Variants in STK24 observed in about 807,000 individuals in gnomAD.
The protein encoded by STK24 is serine/threonine-protein kinase 24.
STK24 carries 21 observed loss-of-function variants against 55.6 expected under a neutral mutation model. That is an observed-to-expected ratio of 0.38 (90% CI 0.27 to 0.54). STK24 has a LOEUF of 0.54. STK24 is among the 20% of genes least tolerant of loss of function. STK24 has a pLI of 0.79. For synonymous variants in STK24, 200 were observed against 215.2 expected, an observed-to-expected ratio of 0.93 and a Z score of 0.62; for missense variants, 383 against 538.4, an observed-to-expected ratio of 0.71 and a Z score of 2.86.
Position 98,446,140 on chromosome 13 carries a change from AACG to A in STK24, c.*7030_*7032del, listed in dbSNP as rs1465481711. 1 of 1,613,976 alleles carries A rather than the reference AACG, an allele frequency of 6.2e-7. No individual in the cohort carries two copies. The highest frequency in any genetic ancestry group is 1.3e-5 in the African/African-American group (1 of 74,948). Reference sequence around the variant, plus strand: ...CCTGCTGAGGAAATTCAAAAACAGCAACGGGTGGCAGAAGCTGTGGGTGGTGTT... The same window carrying A: ...CCTGCTGAGGAAATTCAAAAACAGCAGGTGGCAGAAGCTGTGGGTGGTGTT... On this transcript the variant is annotated 3_prime_UTR_variant, in exon 11 of 11. Transcript: ENST00000539966.
intron 4 of STK24, 95 bp downstream of exon 4, chr13:98,475,155 C>T: frequency 7.1e-7 from 1 of 1,399,704 alleles, no homozygotes; most frequent in Non-Finnish European, 9.8e-7. Context: ...ACGTGCAGGA[C>T]AAATGGGCGC....
At position 98,457,249 on chromosome 13, in the gene STK24, C is replaced by T. The variant is rs200464604; in HGVS notation, c.1178G>A (p.Arg393Gln). The change falls in exon 10 of 11, where the codon CGA becomes CAA. Residue 393 changes from arginine to glutamine, a missense_variant. Physicochemically the swap from Arg to Gln is conservative, Grantham distance 43 (BLOSUM62 1). Transcript: ENST00000539966. ...GGNLGSIEEL[R>Q]GAIYLAEEAC... ...CTCCTCCGCTAGGTAGATGGCCCCT[C>T]GCAGCTCTTCAATGGACCCCAAGTT... 193 of 1,613,734 alleles carry T rather than the reference C, an allele frequency of 1.2e-4. No homozygotes were observed. The highest frequency in any genetic ancestry group is 1.5e-4 in the Non-Finnish European group (181 of 1,180,038).
chr13:98,534,104 A>G (rs2139406922), intron 1 of STK24, among the ~76,000 whole-genome samples: 1 of 152,344 alleles, frequency 6.6e-6, no homozygotes, highest in African/African-American at 2.4e-5. Context: ...TAGCAGAGGC[A>G]GCCGAGGAGG....
chr13:98,475,401 C>T (rs745829389), intron 3 of STK24, 43 bp from the exon 4 acceptor site: 1 of 1,402,260 alleles, frequency 7.1e-7, no homozygotes, highest in Non-Finnish European at 9.9e-7. Flanking sequence ...AAATGATTAT[C>T]TTATGAAAAG....
intron 2 of STK24, among the ~76,000 whole-genome samples, chr13:98,512,302 T>C: frequency 6.6e-6 from 1 of 152,304 alleles, no homozygotes; most frequent in East Asian, 1.9e-4. Flanking sequence ...AAAAGGATCT[T>C]ACATAGGTCG....
At chr13:98,573,920 A>G (rs1259277299) in intron 1 of STK24, among the ~76,000 whole-genome samples, 1 of 152,254 alleles carries the variant, frequency 6.6e-6, no homozygotes, top group Non-Finnish European at 1.5e-5. Context: ...AATGATTTGC[A>G]AAACATTGAA....
intron 1 of STK24, among the ~76,000 whole-genome samples, chr13:98,555,002 G>T (rs569266967): frequency 1.6e-5 from 2 of 122,476 alleles, no homozygotes; most frequent in Non-Finnish European, 3.2e-5. Context: ...GAGGCAGAGC[G>T]AGACTCCAAC....
intron 2 of STK24, among the ~76,000 whole-genome samples, chr13:98,504,390 A>G (rs1184192636): frequency 2.6e-5 from 4 of 152,226 alleles, no homozygotes; most frequent in Non-Finnish European, 5.9e-5. Context: ...CTGGTCCACC[A>G]TGCCTCTTCC....
intron 1 of STK24, among the ~76,000 whole-genome samples, chr13:98,572,501 C>G (rs1308284769): frequency 6.6e-6 from 1 of 152,166 alleles, no homozygotes; most frequent in Non-Finnish European, 1.5e-5. Flanking sequence ...CAATTAAATG[C>G]AGCTGTCCTG....
intron 1 of STK24, among the ~76,000 whole-genome samples, chr13:98,535,398 TACACACACACACAC>T (rs56768700): frequency 0.015 from 2,089 of 142,538 alleles, 21 homozygotes; most frequent in Non-Finnish European, 0.018. Flanking sequence ...TATGTGTGTA[TACACACACACACAC>T]ACACACACAC....
chr13:98,515,192 C>T (rs1896015386), intron 2 of STK24, among the ~76,000 whole-genome samples: 1 of 151,828 alleles, frequency 6.6e-6, no homozygotes, highest in Admixed American at 6.6e-5. Context: ...TCCCGTACTA[C>T]ACCATCCTGT....
chr13:98,568,216 C>T (rs1427893900), intron 1 of STK24, among the ~76,000 whole-genome samples: 2 of 152,048 alleles, frequency 1.3e-5, no homozygotes, highest in Non-Finnish European at 2.9e-5. Flanking sequence ...AGGCTGGTCT[C>T]GAAATCCTGA....
At chr13:98,535,906 C>T (rs1423976439) in intron 1 of STK24, among the ~76,000 whole-genome samples, 1 of 152,226 alleles carries the variant, frequency 6.6e-6, no homozygotes. Flanking sequence ...TACAGGTGAA[C>T]TCACCTTCCT....
chr13:98,475,395 G>T, intron 3 of STK24, 37 bp from the exon 4 acceptor site: 1 of 1,426,558 alleles, frequency 7.0e-7, no homozygotes, highest in Non-Finnish European at 9.7e-7. Context: ...TTACTTAAAT[G>T]ATTATCTTAT....
chr13:98,544,092 G>A (rs771004298), intron 1 of STK24, among the ~76,000 whole-genome samples: 3 of 152,182 alleles, frequency 2.0e-5, no homozygotes, highest in Non-Finnish European at 2.9e-5. Context: ...GGCCCACGCT[G>A]AAGTTAATAA....
chr13:98,482,784 A>AC (rs993050437), intron 2 of STK24, among the ~76,000 whole-genome samples: 3 of 150,468 alleles, frequency 2.0e-5, no homozygotes, highest in African/African-American at 7.4e-5. Flanking sequence ...TGCGCCCCCC[A>AC]CCCCCTACCG....
chr13:98,446,336 G>A lies in STK24; in HGVS notation c.*6837C>T. 1 of 647,130 alleles carries A rather than the reference G, an allele frequency of 1.5e-6. No homozygotes were observed. Among genetic ancestry groups the A allele is most frequent in the Non-Finnish European group, 2.7e-6 (1 of 366,742 alleles). The allele number at this position is 647,130 out of a possible 1,614,324, so 40.1% of individuals were successfully genotyped here. On this transcript the variant is annotated 3_prime_UTR_variant, in exon 11 of 11. Transcript: ENST00000539966. Reference sequence around the variant, plus strand: ...TGTCACGGGGATGACAGGGATGCTGGCGGGGGGCCCTGTCCACCCGAGGCC... The same window carrying A: ...TGTCACGGGGATGACAGGGATGCTGACGGGGGGCCCTGTCCACCCGAGGCC...
intron 1 of STK24, among the ~76,000 whole-genome samples, chr13:98,532,426 C>T (rs1223454044): frequency 2.0e-5 from 3 of 151,562 alleles, no homozygotes; most frequent in Non-Finnish European, 4.4e-5. Flanking sequence ...CCCACACCCA[C>T]CACACACCCA....
At chr13:98,498,403 C>T (rs1171796770) in intron 2 of STK24, among the ~76,000 whole-genome samples, 2 of 152,230 alleles carry the variant, frequency 1.3e-5, no homozygotes, top group African/African-American at 2.4e-5. Context: ...TCTCCTCCTA[C>T]AGTCACTGGG....
Sources: gnomAD v4.1 joint callset for allele counts (sites outside exome capture counted in the v4.1 genomes callset) on GRCh38, gnomAD v4.1.1 for gene constraint, MANE v1.5 for transcripts, NCBI Gene and HGNC (gene_info 2026-07-23, HGNC 2026-07-21) for gene names.